Variants in TM4SF20 observed in about 807,000 individuals in gnomAD.
The protein encoded by TM4SF20 is transmembrane 4 L6 family member 20.
In TM4SF20, 13 loss-of-function variants were observed where a neutral mutation model predicts 15.1. The ratio of observed to expected loss-of-function variants is 0.86; its 90% CI spans 0.56 to 1.36. The LOEUF (loss-of-function observed/expected upper bound fraction) is 1.36. Ranked by LOEUF, TM4SF20 falls within the 40% of genes most tolerant of loss-of-function variation. The pLI, the probability that TM4SF20 is intolerant of heterozygous loss-of-function variation, is 0.00. For synonymous variants in TM4SF20, 92 were observed against 96.6 expected (o/e 0.95, Z 0.28); for missense variants, 282 against 268.4 (o/e 1.05, Z -0.35).
chr2:227,369,840 T>C (rs1265770486), intron 2 of TM4SF20, among the ~76,000 whole-genome samples: 3 of 152,236 alleles, frequency 2.0e-5, no homozygotes, highest in Non-Finnish European at 4.4e-5. Context: ...CTTATGTTGC[T>C]TAATAGCCAT....
chr2:227,364,295 T>G (rs1277257829), intron 3 of TM4SF20, among the ~76,000 whole-genome samples: 3 of 152,172 alleles, frequency 2.0e-5, no homozygotes, highest in African/African-American at 7.2e-5. Context: ...TAGTTGAATG[T>G]CAACAGTTTT....
intron 1 of TM4SF20, 128 bp downstream of exon 1, chr2:227,378,958 C>T: frequency 2.4e-6 from 2 of 819,478 alleles, no homozygotes; most frequent in Non-Finnish European, 1.9e-6. Flanking sequence ...TAAATTAATG[C>T]CATACTACTG....
At chr2:227,380,291 C>G (rs1308559177), upstream of TM4SF20, among the ~76,000 whole-genome samples, 2 of 152,198 alleles carry the variant, frequency 1.3e-5, no homozygotes, top group African/African-American at 2.4e-5. Context: ...GATTGCACCA[C>G]TGCACCCCAG....
chr2:227,366,187 G>C lies in TM4SF20; in HGVS notation c.307C>G (p.Leu103Val), dbSNP rs750344728. ...TTTAAGAGAGCCTGGATGGATATCA[G>C]CATGCAATACAGAGCACCAATGACT... The part of the protein sequence containing the change: ...ITVIGALYCM[L>V]ISIQALLKGP... The change falls in exon 3 of 4, where the codon CTG (leucine) becomes GTG (valine). Residue 103 changes from leucine to valine, a missense_variant. Transcript: ENST00000304568. 21 of 1,613,778 alleles carry C rather than the reference G, an allele frequency of 1.3e-5. No individual in the cohort carries two copies. The highest frequency in any genetic ancestry group is 1.7e-5 in the Non-Finnish European group (20 of 1,179,838).
At chr2:227,374,361 G>T (rs770656054) in intron 1 of TM4SF20, among the ~76,000 whole-genome samples, 3 of 152,094 alleles carry the variant, frequency 2.0e-5, no homozygotes, top group Non-Finnish European at 4.4e-5. Context: ...AACTCGCTGC[G>T]GTTTCAACCG....
chr2:227,365,673 C>G (rs1373401526), intron 3 of TM4SF20, among the ~76,000 whole-genome samples: 1 of 152,066 alleles, frequency 6.6e-6, no homozygotes, highest in Non-Finnish European at 1.5e-5. Context: ...TCATGGTTGA[C>G]AAATTTAATT....
Position 227,379,194 on chromosome 2 carries a change from G to A in TM4SF20, c.75C>T (p.Leu25=), listed in dbSNP as rs144149499. The A allele has an allele frequency of 1.4e-3, 2,297 of 1,614,176 alleles. 5 individuals carry two copies. The highest frequency in any genetic ancestry group is 0.013 in the Middle Eastern group (81 of 6,062). ...AGCTGACAATTAGAGGTATCGCATT[G>A]AGAACTACTCCTAACAGCAGTAGAA... ...LLVLLLLGVV[L]NAIPLIVSLV... is the part of the protein sequence containing the mutation. Residue 25 remains leucine (L), a synonymous_variant, in exon 1 of 4, where the codon CTC becomes CTT. Coordinates refer to ENST00000304568, the MANE Select transcript of TM4SF20 (RefSeq NM_024795.4).
At chr2:227,369,355 G>A (rs2076409045) in intron 2 of TM4SF20, among the ~76,000 whole-genome samples, 1 of 150,840 alleles carries the variant, frequency 6.6e-6, no homozygotes, top group Non-Finnish European at 1.5e-5. Flanking sequence ...TACTGATGCA[G>A]AATCTCTGGC....
intron 2 of TM4SF20, among the ~76,000 whole-genome samples, chr2:227,370,548 G>A (rs889604837): frequency 5.3e-5 from 8 of 152,106 alleles, no homozygotes; most frequent in Admixed American, 5.2e-4. Context: ...CTCGAGGTCA[G>A]GAGTTTGAGA....
intron 1 of TM4SF20, among the ~76,000 whole-genome samples, chr2:227,375,340 T>C (rs2076442413): frequency 6.6e-6 from 1 of 152,066 alleles, no homozygotes; most frequent in Non-Finnish European, 1.5e-5. Context: ...ATGCAGTGAG[T>C]TGTGCTCACA....
At position 227,363,604 on chromosome 2, in the gene TM4SF20, T is replaced by C; in HGVS notation, c.*120A>G. The C allele has an allele frequency of 1.0e-6, 1 of 999,976 alleles. No homozygotes were observed. Among genetic ancestry groups the C allele is most frequent in the Non-Finnish European group, 1.5e-6 (1 of 687,150 alleles). 61.9% of individuals were successfully genotyped at this position (999,976 alleles called of 1,614,324 possible). ...CACTGATATGAGAGTGTTATGCATTTACAACGTGCTTTCTACGTGAAGGGT... is the reference window on the plus strand; with the variant it reads ...CACTGATATGAGAGTGTTATGCATTCACAACGTGCTTTCTACGTGAAGGGT... On this transcript the variant is annotated 3_prime_UTR_variant, in exon 4 of 4. Transcript: ENST00000304568.
In TM4SF20 at chr2:227,366,208, T is replaced by C. The variant is rs1163527841; in HGVS notation, c.286A>G (p.Ile96Val). 6.2e-7 allele frequency: 1 copy of C among 1,613,648 alleles called. No individual in the cohort carries two copies. Among genetic ancestry groups the C allele is most frequent in the East Asian group, 2.2e-5 (1 of 44,844 alleles). ...LSSLFSVITVIGALYCMLISI... is the reference protein window; with the variant it reads ...LSSLFSVITVVGALYCMLISI... ...ATCAGCATGCAATACAGAGCACCAA[T>C]GACTGTGATCACACTGAAAAGTGAT... The change falls in exon 3 of 4, where the codon ATT (isoleucine) becomes GTT (valine). Residue 96 changes from isoleucine to valine, a missense_variant. Coordinates refer to ENST00000304568, the MANE Select transcript of TM4SF20 (RefSeq NM_024795.4).
intron 2 of TM4SF20, among the ~76,000 whole-genome samples, chr2:227,367,399 C>T (rs1301048179): frequency 6.6e-6 from 1 of 152,110 alleles, no homozygotes; most frequent in Admixed American, 6.5e-5. Context: ...TTAGGCCAGG[C>T]ACAGTGGCTC....
chr2:227,380,376 T>C (rs1252095476), upstream of TM4SF20, among the ~76,000 whole-genome samples: 2 of 152,110 alleles, frequency 1.3e-5, no homozygotes, highest in African/African-American at 4.8e-5. Flanking sequence ...TGACTGACCA[T>C]CCTGATCTAA....
chr2:227,378,965 A>T, intron 1 of TM4SF20, 121 bp downstream of exon 1: 1 of 897,096 alleles, frequency 1.1e-6, no homozygotes, highest in Non-Finnish European at 1.7e-6. Flanking sequence ...ATGCCATACT[A>T]CTGCTCCAAA....
At chr2:227,378,060 A>ACTCTCTCT (rs370675463) in intron 1 of TM4SF20, among the ~76,000 whole-genome samples, 15,007 of 147,214 alleles carry the variant, frequency 0.1, 825 homozygotes, top group South Asian at 0.15. Context: ...CTTACAGCTT[A>ACTCTCTCT]CTCTCTCTCT....
upstream of TM4SF20, among the ~76,000 whole-genome samples, chr2:227,379,834 A>C (rs2076471317): frequency 6.6e-6 from 1 of 152,206 alleles, no homozygotes; most frequent in African/African-American, 2.4e-5. Flanking sequence ...GACATGTGAG[A>C]GCTTTGGCTA....
chr2:227,379,060 C>T lies in TM4SF20; in HGVS notation c.183+26G>A, dbSNP rs755516868. On this transcript the variant is annotated intron_variant, in intron 1 of 3. Transcript: ENST00000304568. ...GGTGAAATAGGCAGGCCCTTCTTCACATCAAGTCAAATAAATATCACTCAC... is the reference window on the plus strand; with the variant it reads ...GGTGAAATAGGCAGGCCCTTCTTCATATCAAGTCAAATAAATATCACTCAC... 10 of 1,609,106 alleles carry T rather than the reference C, an allele frequency of 6.2e-6. No homozygotes were observed. The African/African-American group carries it at 1.1e-4, about 17-fold the overall frequency.
chr2:227,379,216 A>G lies in TM4SF20; in HGVS notation c.53T>C (p.Leu18Pro). The G allele has an allele frequency of 6.2e-7, 1 of 1,614,252 alleles. No homozygotes were observed. Residue 18 changes from leucine (L) to proline (P), a missense_variant, in exon 1 of 4, where the codon CTA becomes CCA. Transcript: ENST00000304568. Reference protein sequence around the residue: ...TSCNGFSLLVLLLLGVVLNAI... With the variant: ...TSCNGFSLLVPLLLGVVLNAI... The stretch of plus-strand genomic sequence containing the variant: ...ATTGAGAACTACTCCTAACAGCAGT[A>G]GAACCAGCAGGCTGAATCCATTGCA...
Sources: gnomAD v4.1 joint callset for allele counts (sites outside exome capture counted in the v4.1 genomes callset) on GRCh38, gnomAD v4.1.1 for gene constraint, MANE v1.5 for transcripts, NCBI Gene and HGNC (gene_info 2026-07-23, HGNC 2026-07-21) for gene names.